CMTM4: variants seen among roughly 807,000 people sequenced by gnomAD.
CMTM4 encodes the protein CKLF-like MARVEL transmembrane domain-containing protein 4.
In CMTM4, 8 loss-of-function variants were observed where a neutral mutation model predicts 19.0. That is an observed-to-expected ratio of 0.42 (90% CI 0.25 to 0.76). CMTM4 has a LOEUF of 0.76. Ranked by LOEUF, CMTM4 falls within the 30% of genes least tolerant of loss-of-function variation. CMTM4 has a pLI of 0.27. For missense variants in CMTM4, 228 were observed against 290.2 expected, an observed-to-expected ratio of 0.79 and a Z score of 1.56; for synonymous variants, 106 against 121.1, an observed-to-expected ratio of 0.88 and a Z score of 0.82.
chr16:66,671,652 C>G (rs1407903366), intron 1 of CMTM4, among the ~76,000 whole-genome samples: 2 of 152,110 alleles, frequency 1.3e-5, no homozygotes, highest in Non-Finnish European at 2.9e-5. Context: ...GGAGTGGGCA[C>G]CTGACCCAGG....
intron 1 of CMTM4, among the ~76,000 whole-genome samples, chr16:66,641,579 G>C (rs1052205076): frequency 6.6e-6 from 1 of 152,148 alleles, no homozygotes; most frequent in Non-Finnish European, 1.5e-5. Context: ...TTAAGGTTCT[G>C]TGACATATAG....
intron 1 of CMTM4, among the ~76,000 whole-genome samples, chr16:66,683,189 A>ATG (rs1567432323): frequency 4.2e-5 from 4 of 95,254 alleles, no homozygotes; most frequent in African/African-American, 1.4e-4. Flanking sequence ...ATGTATATAT[A>ATG]TATACATATA....
chr16:66,651,118 C>T (rs1041434547), intron 1 of CMTM4, among the ~76,000 whole-genome samples: 1 of 152,138 alleles, frequency 6.6e-6, no homozygotes, highest in Admixed American at 6.5e-5. Context: ...AACAGAGAAT[C>T]CAGAGGGGGC....
At chr16:66,683,424 T>A (rs953621144) in intron 1 of CMTM4, among the ~76,000 whole-genome samples, 8 of 148,280 alleles carry the variant, frequency 5.4e-5, no homozygotes, top group African/African-American at 1.7e-4. Flanking sequence ...CCCGAGCAGC[T>A]GGGACTACAG....
intron 1 of CMTM4, among the ~76,000 whole-genome samples, chr16:66,642,473 G>A (rs956677644): frequency 6.6e-6 from 1 of 152,132 alleles, no homozygotes; most frequent in South Asian, 2.1e-4. Flanking sequence ...CAGCACTTTG[G>A]GAGGCCAAGG....
intron 1 of CMTM4, among the ~76,000 whole-genome samples, chr16:66,671,650 C>T (rs2016709675): frequency 6.6e-6 from 1 of 152,116 alleles, no homozygotes; most frequent in South Asian, 2.1e-4. Context: ...GAGGAGTGGG[C>T]ACCTGACCCA....
chr16:66,633,921 C>A (rs2015933965), intron 2 of CMTM4, among the ~76,000 whole-genome samples: 1 of 151,976 alleles, frequency 6.6e-6, no homozygotes, highest in African/African-American at 2.4e-5. Flanking sequence ...AGTGGAAAGT[C>A]TAGAACGGAT....
intron 1 of CMTM4, among the ~76,000 whole-genome samples, chr16:66,656,487 C>T (rs913854657): frequency 1.3e-5 from 2 of 152,062 alleles, no homozygotes; most frequent in Non-Finnish European, 2.9e-5. Flanking sequence ...CCTCAGCCTC[C>T]CGAGTAGCTG....
intron 1 of CMTM4, among the ~76,000 whole-genome samples, chr16:66,691,406 T>C (rs2017132132): frequency 6.6e-6 from 1 of 152,162 alleles, no homozygotes; most frequent in Non-Finnish European, 1.5e-5. Context: ...AGGTTTCATT[T>C]TGAAAAGATA....
At chr16:66,683,191 A>ATGTGTG (rs1567432344) in intron 1 of CMTM4, among the ~76,000 whole-genome samples, 3 of 96,188 alleles carry the variant, frequency 3.1e-5, no homozygotes, top group South Asian at 8.4e-4. Context: ...GTATATATAT[A>ATGTGTG]TACATATATA....
intron 1 of CMTM4, among the ~76,000 whole-genome samples, chr16:66,649,653 C>G (rs981332816): frequency 6.6e-6 from 1 of 152,190 alleles, no homozygotes; most frequent in Admixed American, 6.5e-5. Flanking sequence ...AGCCTCCCCA[C>G]TCCCTAAGCC....
In CMTM4 at chr16:66,635,637, G is replaced by A. The variant is rs116729002; in HGVS notation, c.363+768C>T. On this transcript the variant is annotated intron_variant, in intron 2 of 3. Transcript: ENST00000394106. ...CCCCCTCAGCAGCTGAGGTGCCCAC[G>A]GCGTTCTCATCCCACAGGCACAGCA... Among the ~76,000 whole-genome samples the A allele has an allele frequency of 1.4e-3, 215 of 152,314 alleles. 1 individual carries two copies. Among genetic ancestry groups the A allele is most frequent in the African/African-American group, 4.0e-3 (167 of 41,566 alleles).
intron 2 of CMTM4, among the ~76,000 whole-genome samples, chr16:66,630,299 C>G (rs1308675098): frequency 9.1e-6 from 1 of 109,800 alleles, no homozygotes; most frequent in Non-Finnish European, 1.9e-5. Context: ...TCCCTCTCCC[C>G]CTCCCCCTCA....
intron 2 of CMTM4, among the ~76,000 whole-genome samples, chr16:66,633,562 AACCTCAGC>A (rs2015925120): frequency 6.6e-6 from 1 of 152,178 alleles, no homozygotes; most frequent in Non-Finnish European, 1.5e-5. Flanking sequence ...TCACGCCTGT[AACCTCAGC>A]ACTTTGGGAG....
chr16:66,607,324 G>A, the CMTM4 span, among the ~76,000 whole-genome samples: 7 of 152,224 alleles, frequency 4.6e-5, no homozygotes, highest in African/African-American at 1.4e-4. Context: ...TGTAGTTCAA[G>A]TACAGCTGGC....
chr16:66,607,396 C>T, the CMTM4 span, among the ~76,000 whole-genome samples: 3 of 152,232 alleles, frequency 2.0e-5, no homozygotes, highest in African/African-American at 7.2e-5. Flanking sequence ...TCAGTGCCAA[C>T]GCACCCTCTG....
chr16:66,645,861 C>T (rs2016185404), intron 1 of CMTM4, among the ~76,000 whole-genome samples: 1 of 151,820 alleles, frequency 6.6e-6, no homozygotes, highest in African/African-American at 2.4e-5. Context: ...CGCCTGTAAT[C>T]ACAGCTACTC....
rs2015525970 is a variant in CMTM4, at chr16:66,616,312, T to TA, written c.*5745dup. Reference sequence around the variant, plus strand: ...AAAAAAAAATAGTCATACTTGTAAATAAATAGTTTAGTGTTTCTGCCATGG... The same window carrying TA: ...AAAAAAAAATAGTCATACTTGTAAATAAAATAGTTTAGTGTTTCTGCCATGG... On this transcript the variant is annotated 3_prime_UTR_variant, in exon 4 of 4. Transcript: ENST00000394106. 6.6e-6 allele frequency: 1 copy of TA among 152,102 alleles called. No individual in the cohort carries two copies. Among genetic ancestry groups the TA allele is most frequent in the African/African-American group, 2.4e-5 (1 of 41,422 alleles). 9.4% of individuals were successfully genotyped at this position (152,102 alleles called of 1,614,324 possible).
chr16:66,623,304 A>G (rs2015673564), intron 3 of CMTM4, 100 bp downstream of exon 3: 1 of 790,912 alleles, frequency 1.3e-6, no homozygotes, highest in Non-Finnish European at 2.0e-6. Flanking sequence ...TTTAGCAAAG[A>G]AAAGCCACAG....
Sources: gnomAD v4.1 joint callset for allele counts (sites outside exome capture counted in the v4.1 genomes callset) on GRCh38, gnomAD v4.1.1 for gene constraint, MANE v1.5 for transcripts, NCBI Gene and HGNC (gene_info 2026-07-23, HGNC 2026-07-21) for gene names.